Variants in TFB1M observed in about 807,000 individuals in gnomAD.
The protein encoded by TFB1M is transcription factor B1, mitochondrial, also known as dimethyladenosine transferase 1, mitochondrial.
In TFB1M, 27 loss-of-function variants were observed where a neutral mutation model predicts 31.1. The ratio of observed to expected loss-of-function variants is 0.87; its 90% CI spans 0.64 to 1.20. The LOEUF (loss-of-function observed/expected upper bound fraction) is 1.20, where lower values mean the gene tolerates loss of function less well. Ranked by LOEUF, TFB1M falls within the 50% of genes most tolerant of loss-of-function variation. TFB1M has a pLI of 0.00. For synonymous variants in TFB1M, 166 were observed against 151.8 expected (o/e 1.09, Z -0.69); for missense variants, 394 against 418.7 (o/e 0.94, Z 0.51).
the TFB1M span, chr6:155,245,816 G>C: frequency 2.2e-6 from 2 of 915,350 alleles, no homozygotes; most frequent in Non-Finnish European, 1.6e-6. Context: ...TTAACAAGTA[G>C]AGAGTAAGTA....
At chr6:155,303,850 T>C (rs530682549) in intron 2 of TFB1M, among the ~76,000 whole-genome samples, 5 of 152,306 alleles carry the variant, frequency 3.3e-5, no homozygotes, top group East Asian at 1.9e-4. Context: ...AGAACTATTA[T>C]TCCCATGCTG....
At chr6:155,238,125 A>G in the TFB1M span, among the ~76,000 whole-genome samples, 2 of 152,342 alleles carry the variant, frequency 1.3e-5, no homozygotes, top group African/African-American at 2.4e-5. Context: ...TTCTTCTCCC[A>G]GATACCTTAA....
At chr6:155,275,815 G>C in intron 5 of TFB1M, 1 of 1,614,134 alleles carries the variant, frequency 6.2e-7, no homozygotes, top group Non-Finnish European at 8.5e-7. Context: ...ACTGGAAGGT[G>C]AATGTGGATG....
chr6:155,260,629 C>T, intron 5 of TFB1M: 1 of 595,496 alleles, frequency 1.7e-6, no homozygotes, highest in Middle Eastern at 4.5e-4. Context: ...ATGACATCCA[C>T]CAGACCTGTG....
downstream of TFB1M, chr6:155,251,965 C>T (rs1479961122): frequency 2.5e-6 from 4 of 1,604,040 alleles, no homozygotes; most frequent in East Asian, 4.5e-5. Context: ...AGCCGTCATA[C>T]TGGTTTATAA....
intron 4 of TFB1M, among the ~76,000 whole-genome samples, chr6:155,295,223 G>A (rs967303316): frequency 2.0e-5 from 3 of 151,884 alleles, no homozygotes; most frequent in Admixed American, 6.6e-5. Context: ...AAAATTAGCC[G>A]GGCGTGGTGG....
intron 2 of TFB1M, among the ~76,000 whole-genome samples, chr6:155,302,343 T>C (rs530704940): frequency 1.1e-4 from 17 of 152,226 alleles, no homozygotes; most frequent in African/African-American, 4.1e-4. Context: ...GCAAACTGTA[T>C]GAGAAGGAAA....
At chr6:155,307,915 A>G (rs1215770791) in intron 2 of TFB1M, among the ~76,000 whole-genome samples, 2 of 152,142 alleles carry the variant, frequency 1.3e-5, no homozygotes, top group Non-Finnish European at 2.9e-5. Flanking sequence ...AACAGAAAAA[A>G]AAAAAAAATG....
chr6:155,243,989 A>G, the TFB1M span: 5 of 1,609,106 alleles, frequency 3.1e-6, no homozygotes, highest in Non-Finnish European at 4.3e-6. Context: ...CGTTGAAGAC[A>G]CTTTCTTCTA....
At chr6:155,314,030 T>G (rs1778133455) in intron 1 of TFB1M, 8 of 1,264,360 alleles carry the variant, frequency 6.3e-6, no homozygotes, top group Non-Finnish European at 8.3e-6. Flanking sequence ...CCATGAACCC[T>G]TCCTCCCCTA....
At chr6:155,305,434 TAA>T (rs1176900036) in intron 2 of TFB1M, among the ~76,000 whole-genome samples, 3 of 27,044 alleles carry the variant, frequency 1.1e-4, no homozygotes, top group African/African-American at 3.1e-4. Context: ...TTTATATATA[TAA>T]ATATATATTA....
At chr6:155,314,178 C>G in intron 1 of TFB1M, 118 bp downstream of exon 1, 2 of 1,549,080 alleles carry the variant, frequency 1.3e-6, no homozygotes. Flanking sequence ...AGGACCTGAC[C>G]AAAAGCCCGT....
chr6:155,274,237 CAAAG>C (rs1785067304), intron 5 of TFB1M, among the ~76,000 whole-genome samples: 1 of 152,100 alleles, frequency 6.6e-6, no homozygotes. Flanking sequence ...CTCAGAATGA[CAAAG>C]AAAGTCAGTA....
intron 4 of TFB1M, among the ~76,000 whole-genome samples, chr6:155,295,255 A>G (rs968239417): frequency 1.3e-5 from 2 of 151,606 alleles, no homozygotes; most frequent in African/African-American, 4.9e-5. Flanking sequence ...AGTCCCAGCT[A>G]CTCGGGAGGC....
the TFB1M span, among the ~76,000 whole-genome samples, chr6:155,232,350 G>A: frequency 3.9e-5 from 6 of 151,936 alleles, no homozygotes; most frequent in African/African-American, 7.3e-5. Context: ...GTGTCATTGC[G>A]CTCTGAGATT....
At chr6:155,309,250 T>A (rs1777915173) in intron 2 of TFB1M, among the ~76,000 whole-genome samples, 1 of 152,250 alleles carries the variant, frequency 6.6e-6, no homozygotes, top group African/African-American at 2.4e-5. Context: ...TCAACTTTTT[T>A]GTTTCTCATG....
At chr6:155,234,210 C>T in the TFB1M span, among the ~76,000 whole-genome samples, 2 of 152,236 alleles carry the variant, frequency 1.3e-5, no homozygotes, top group South Asian at 4.2e-4. Flanking sequence ...ATTTCAAGTG[C>T]CCGTGTTTTT....
chr6:155,260,067 A>T (rs1784322299), intron 6 of TFB1M, among the ~76,000 whole-genome samples: 1 of 152,224 alleles, frequency 6.6e-6, no homozygotes, highest in Non-Finnish European at 1.5e-5. Flanking sequence ...GGCTGCGCTT[A>T]TGTTTAAGCC....
chr6:155,249,523 TA>T, the TFB1M span, among the ~76,000 whole-genome samples: 1 of 152,242 alleles, frequency 6.6e-6, no homozygotes, highest in African/African-American at 2.4e-5. Flanking sequence ...TTGCGGGCAC[TA>T]AATGAGATGA....
Sources: gnomAD v4.1 joint callset for allele counts (sites outside exome capture counted in the v4.1 genomes callset) on GRCh38, gnomAD v4.1.1 for gene constraint, MANE v1.5 for transcripts, NCBI Gene and HGNC (gene_info 2026-07-23, HGNC 2026-07-21) for gene names.